The following HSPA14 variants were observed in gnomAD, a reference collection of about 807,000 sequenced individuals.
The protein encoded by HSPA14 is heat shock protein family A (Hsp70) member 14.
HSPA14 carries 37 observed loss-of-function variants against 65.5 expected under a neutral mutation model. That is an observed-to-expected ratio of 0.56 (90% CI 0.43 to 0.74). The LOEUF is 0.74. HSPA14 is among the 30% of genes least tolerant of loss of function. The probability of loss-of-function intolerance (pLI) is 0.00; values close to 1 mark genes in which losing one functional copy is unlikely to be tolerated. For synonymous variants in HSPA14, 203 were observed against 214.2 expected (o/e 0.95, Z 0.46); for missense variants, 564 against 607.6 (o/e 0.93, Z 0.75).
intron 1 of HSPA14, among the ~76,000 whole-genome samples, chr10:14,838,803 G>A (rs892962737): frequency 2.6e-5 from 4 of 152,204 alleles, no homozygotes; most frequent in Admixed American, 6.5e-5. Flanking sequence ...GTCCCGGGGG[G>A]TCCCGGGGAC....
At position 14,848,606 on chromosome 10, in the gene HSPA14, C is replaced by G; in HGVS notation, c.222-3C>G. On this transcript the variant is annotated splice_region_variant and splice_polypyrimidine_tract_variant and intron_variant, in intron 3 of 13. Transcript: ENST00000378372. ...AGCTATCTTTATCTTTCTTTATGGA[C>G]AGCTCCAGTGATCCACAAGCTCAGA... The G allele has an allele frequency of 1.2e-6, 2 of 1,606,662 alleles. No individual in the cohort carries two copies. Among genetic ancestry groups the G allele is most frequent in the East Asian group, 4.5e-5 (2 of 44,730 alleles).
intron 1 of HSPA14, 106 bp downstream of exon 1, chr10:14,838,565 C>T (rs1833922490): frequency 9.1e-7 from 1 of 1,103,482 alleles, no homozygotes; most frequent in Non-Finnish European, 1.3e-6. Flanking sequence ...CTAGGGATGT[C>T]GTGGAGTGGC....
At chr10:14,852,092 C>A (rs778184054) in intron 7 of HSPA14, among the ~76,000 whole-genome samples, 1 of 152,174 alleles carries the variant, frequency 6.6e-6, no homozygotes, top group Non-Finnish European at 1.5e-5. Context: ...AATCACAGAT[C>A]TCTTGATTTA....
chr10:14,851,863 C>A (rs560699916), intron 7 of HSPA14, among the ~76,000 whole-genome samples: 44 of 152,218 alleles, frequency 2.9e-4, no homozygotes, highest in African/African-American at 9.9e-4. Flanking sequence ...CCTCATTATT[C>A]GTATCTCCTA....
At chr10:14,868,407 T>C (rs1276622431) in intron 12 of HSPA14, among the ~76,000 whole-genome samples, 1 of 152,136 alleles carries the variant, frequency 6.6e-6, no homozygotes, top group African/African-American at 2.4e-5. Flanking sequence ...ACCGCGTGCA[T>C]ATCTTATACT....
Position 14,848,720 on chromosome 10 carries a change from A to C in HSPA14, c.270+63A>C, listed in dbSNP as rs561899709. On this transcript the variant is annotated intron_variant, in intron 4 of 13. Transcript: ENST00000378372. ...AGTAATTACCAAGGTGATAACATGG[A>C]ATGTTGATTTGAAACTTTGCATTTT... 6.6e-5 allele frequency: 96 copies of C among 1,462,574 alleles called. 3 individuals carry two copies. In the South Asian group the frequency reaches 1.0e-3, roughly 16 times the overall value. The allele number at this position is 1,462,574 out of a possible 1,614,324, so 90.6% of individuals were successfully genotyped here. A position where few individuals can be genotyped will look rare whatever the true frequency, so the allele number is the denominator to read the frequency against.
In HSPA14 at chr10:14,839,919, TGTG is replaced by T; in HGVS notation, c.75_77del (p.Val26del). 6.2e-7 allele frequency: 1 copy of T among 1,612,828 alleles called. No individual in the cohort carries two copies. The highest frequency in any genetic ancestry group is 8.5e-7 in the Non-Finnish European group (1 of 1,179,294). ...TTTTTCTCTAGGATGGCCGGGCTGG[TGTG>T]GTTGCAAATGATGCCGGTGACCGAG... On this transcript the variant is annotated inframe_deletion, in exon 2 of 14. Transcript: ENST00000378372.
intron 3 of HSPA14, chr10:14,843,431 C>T: frequency 1.9e-6 from 3 of 1,550,822 alleles, no homozygotes; most frequent in Non-Finnish European, 2.6e-6. Context: ...GGTGCAGTTG[C>T]TCCCTGTCAG....
intron 12 of HSPA14, among the ~76,000 whole-genome samples, chr10:14,869,456 C>G (rs1329223333): frequency 6.6e-6 from 1 of 151,972 alleles, no homozygotes; most frequent in Non-Finnish European, 1.5e-5. Context: ...ACCACCACAC[C>G]TGGCTAATAT....
At chr10:14,868,144 G>A (rs548443124) in intron 12 of HSPA14, among the ~76,000 whole-genome samples, 21 of 152,322 alleles carry the variant, frequency 1.4e-4, no homozygotes, top group Non-Finnish European at 3.1e-4. Context: ...CTGCTTCTCT[G>A]TTGTGCTCTT....
At chr10:14,859,677 T>C (rs543119246) in intron 10 of HSPA14, among the ~76,000 whole-genome samples, 2 of 152,358 alleles carry the variant, frequency 1.3e-5, no homozygotes, top group South Asian at 4.1e-4. Flanking sequence ...TGGATGTGTA[T>C]GTTATACAAC....
In HSPA14 at chr10:14,842,049, C is replaced by T. The variant is rs1465345920; in HGVS notation, c.221+1892C>T. ...TCTTGGCCTCATGCCTGTTTATGAC[C>T]TACTCACAGGTAGCACCACTTAACT... On this transcript the variant is annotated intron_variant, in intron 3 of 13. Transcript: ENST00000378372. This position sits in a 1 kb window ranked among gnomAD's most constrained non-coding sequence, Gnocchi z 5.2. The T allele has an allele frequency of 4.1e-6, 4 of 972,190 alleles. No homozygotes were observed. The highest frequency in any genetic ancestry group is 4.6e-6 in the Non-Finnish European group (3 of 645,666). The allele number at this position is 972,190 out of a possible 1,614,324, so 60.2% of individuals were successfully genotyped here.
chr10:14,839,779 T>G, intron 1 of HSPA14, 126 bp from the exon 2 acceptor site: 1 of 536,630 alleles, frequency 1.9e-6, no homozygotes. Flanking sequence ...GTAATTAAAT[T>G]TGCAAGTTTA....
chr10:14,857,628 A>G (rs917246910), intron 10 of HSPA14, among the ~76,000 whole-genome samples: 1 of 152,176 alleles, frequency 6.6e-6, no homozygotes, highest in African/African-American at 2.4e-5. Flanking sequence ...AATATTTTAC[A>G]TAATCGGAAT....
intron 3 of HSPA14, among the ~76,000 whole-genome samples, chr10:14,847,985 T>C (rs1834075241): frequency 6.6e-6 from 1 of 152,222 alleles, no homozygotes; most frequent in Non-Finnish European, 1.5e-5. Context: ...TCTCTGAAGC[T>C]CTTTATCTCT....
chr10:14,842,249 G>T lies in HSPA14; in HGVS notation c.221+2092G>T, dbSNP rs1833982950. On this transcript the variant is annotated intron_variant, in intron 3 of 13. Transcript: ENST00000378372. The surrounding 1 kb of genome is among the most constrained non-coding windows in gnomAD (Gnocchi z 5.2). ...CACACCTTCAGACTTGCACCTTGCT[G>T]TCCAGAAGCTGCCTAGCCCTCCTTT... The T allele has an allele frequency of 5.9e-6, 9 of 1,535,182 alleles. No homozygotes were observed. The highest frequency in any genetic ancestry group is 7.9e-6 in the Non-Finnish European group (9 of 1,146,332).
At chr10:14,869,998 TAA>T (rs1832840864) in intron 12 of HSPA14, among the ~76,000 whole-genome samples, 1 of 152,236 alleles carries the variant, frequency 6.6e-6, no homozygotes, top group African/African-American at 2.4e-5. Flanking sequence ...GTAACTTACC[TAA>T]GTTATTAAAC....
At chr10:14,865,620 G>C (rs955293041) in intron 10 of HSPA14, among the ~76,000 whole-genome samples, 7 of 152,168 alleles carry the variant, frequency 4.6e-5, no homozygotes, top group Admixed American at 1.3e-4. Flanking sequence ...GTTTGTCAAA[G>C]ATCAGATAGT....
intron 12 of HSPA14, among the ~76,000 whole-genome samples, chr10:14,869,421 G>A (rs561898392): frequency 2.7e-5 from 4 of 150,892 alleles, no homozygotes; most frequent in South Asian, 2.1e-4. Flanking sequence ...CTCAGCCTCC[G>A]GAGTAGCTGG....
Sources: gnomAD v4.1 joint callset for allele counts (sites outside exome capture counted in the v4.1 genomes callset) on GRCh38, gnomAD v4.1.1 for gene constraint, Gnocchi (gnomAD v3.1) non-coding constraint, MANE v1.5 for transcripts, NCBI Gene and HGNC (gene_info 2026-07-23, HGNC 2026-07-21) for gene names.